Variants in LRP2 observed in about 807,000 individuals in gnomAD.
LRP2 encodes the protein LDL receptor related protein 2, also known as low-density lipoprotein receptor-related protein 2.
A neutral mutation model predicts 531.0 loss-of-function variants in LRP2; 172 were observed. That is an observed-to-expected ratio of 0.32 (90% CI 0.29 to 0.37). LRP2 has a LOEUF of 0.37. Among genes scored for constraint, LRP2 ranks in the 10% least tolerant of loss-of-function variants. The pLI, the probability that LRP2 is intolerant of heterozygous loss-of-function variation, is 1.00. For missense variants in LRP2, 5,167 were observed against 5,868.3 expected (o/e 0.88, Z 3.90); for synonymous variants, 1,992 against 2,027.6 (o/e 0.98, Z 0.47).
chr2:169,280,447 C>T lies in LRP2; in HGVS notation c.1244G>A (p.Arg415Gln), dbSNP rs1574215499. The change falls in exon 11 of 79, where the codon CGG (arginine) becomes CAG (glutamine). Residue 415 changes from arginine (R) to glutamine (Q), a missense_variant. Coordinates refer to ENST00000649046, the MANE Select transcript of LRP2 (RefSeq NM_004525.3). Reference protein sequence around the residue: ...LIGDIHGRSFRILVESQNRGV... With the variant: ...LIGDIHGRSFQILVESQNRGV... ...ACGATTCTGAGACTCCACTAGGATC[C>T]GGAAGCTCCTTCCATGAATATCACC... 10 of 1,614,148 alleles carry T rather than the reference C, an allele frequency of 6.2e-6. No homozygotes were observed. The highest frequency in any genetic ancestry group is 4.5e-5 in the East Asian group (2 of 44,868).
intron 16 of LRP2, among the ~76,000 whole-genome samples, chr2:169,267,820 G>C (rs1446524340): frequency 1.3e-5 from 2 of 152,014 alleles, no homozygotes; most frequent in Non-Finnish European, 2.9e-5. Context: ...TCCAGGAGCT[G>C]GTTTTTTGAA....
In LRP2 at chr2:169,279,490, G is replaced by A; in HGVS notation, c.1447C>T (p.Leu483=). 6.2e-7 allele frequency: 1 copy of A among 1,613,684 alleles called. No individual in the cohort carries two copies. Among genetic ancestry groups the A allele is most frequent in the Non-Finnish European group, 8.5e-7 (1 of 1,179,670 alleles). Residue 483 remains leucine (L), a synonymous_variant, in exon 12 of 79, where the codon CTA becomes TTA. Coordinates refer to ENST00000649046, the MANE Select transcript of LRP2 (RefSeq NM_004525.3). ...AVDWVNNKIY[L]VETKVNRIDM... ...ATGCGGTTGACCTTGGTTTCCACTA[G>A]ATAGATTTTATTATTAACCCAGTCC...
At chr2:169,166,149 C>G in intron 61 of LRP2, 95 bp from the exon 62 acceptor site, 1 of 1,254,926 alleles carries the variant, frequency 8.0e-7, no homozygotes, top group Non-Finnish European at 1.2e-6. Context: ...AGGCTTGCTT[C>G]ATTCATGCAC....
chr2:169,243,135 T>G, intron 23 of LRP2, 63 bp from the exon 24 acceptor site: 1 of 1,354,690 alleles, frequency 7.4e-7, no homozygotes, highest in Non-Finnish European at 1.1e-6. Context: ...AACACTGAGA[T>G]TTTTCTTTTT....
intron 4 of LRP2, among the ~76,000 whole-genome samples, chr2:169,300,900 T>C (rs945559857): frequency 6.6e-6 from 1 of 152,092 alleles, no homozygotes; most frequent in East Asian, 1.9e-4. Flanking sequence ...AAAATGACTT[T>C]AACCATCTTT....
chr2:169,183,688 G>A (rs1687522075), intron 50 of LRP2, among the ~76,000 whole-genome samples: 1 of 152,126 alleles, frequency 6.6e-6, no homozygotes, highest in Non-Finnish European at 1.5e-5. Context: ...AAGAAAACAT[G>A]GAGAAGATAT....
intron 4 of LRP2, among the ~76,000 whole-genome samples, chr2:169,298,136 T>A (rs1417762076): frequency 6.6e-6 from 1 of 152,004 alleles, no homozygotes; most frequent in East Asian, 1.9e-4. Flanking sequence ...CCAGAAAGAA[T>A]CTACCAGTTT....
At chr2:169,260,503 G>T (rs1178756202) in intron 16 of LRP2, among the ~76,000 whole-genome samples, 1 of 152,130 alleles carries the variant, frequency 6.6e-6, no homozygotes, top group Non-Finnish European at 1.5e-5. Context: ...CCTGTGAGAA[G>T]TTGGATGAAG....
At chr2:169,333,015 A>G (rs941481220) in intron 1 of LRP2, among the ~76,000 whole-genome samples, 3 of 152,218 alleles carry the variant, frequency 2.0e-5, no homozygotes, top group African/African-American at 7.2e-5. Flanking sequence ...TTCTTAAACT[A>G]TTAAGAAATA....
intron 61 of LRP2, among the ~76,000 whole-genome samples, chr2:169,167,445 A>C (rs1337591129): frequency 1.3e-5 from 2 of 152,152 alleles, no homozygotes; most frequent in Non-Finnish European, 2.9e-5. Context: ...CTCCTAGGTT[A>C]AGGGCTTTTA....
chr2:169,345,174 A>T (rs993743018), intron 1 of LRP2, among the ~76,000 whole-genome samples: 1 of 152,208 alleles, frequency 6.6e-6, no homozygotes, highest in African/African-American at 2.4e-5. Context: ...AAATCGTTAA[A>T]TAAAAAATAA....
intron 9 of LRP2, among the ~76,000 whole-genome samples, chr2:169,287,461 AT>A (rs1412470164): frequency 2.0e-5 from 3 of 152,246 alleles, no homozygotes; most frequent in African/African-American, 7.2e-5. Context: ...GCTCAAATGG[AT>A]TGCTTTACTG....
At position 169,314,241 on chromosome 2, in the gene LRP2, A is replaced by T. The variant is rs551591796; in HGVS notation, c.310+4521T>A. The stretch of plus-strand genomic sequence containing the variant: ...GTGAGATCCTTATATCTTAAAAGAA[A>T]AAAAAAATAAATTTAGCTGGGCACA... On this transcript the variant is annotated intron_variant, in intron 3 of 78. Transcript: ENST00000649046. 2.8e-3 allele frequency among the ~76,000 whole-genome samples: 396 copies of T among 139,252 alleles called. 1 individual carries two copies. Among genetic ancestry groups the T allele is most frequent in the African/African-American group, 0.012 (386 of 33,470 alleles). The allele number at this position is 139,252 out of a possible 152,430, so 91.4% of individuals were successfully genotyped here.
chr2:169,272,664 G>A (rs527714099), intron 15 of LRP2, among the ~76,000 whole-genome samples: 1 of 152,222 alleles, frequency 6.6e-6, no homozygotes, highest in East Asian at 1.9e-4. Flanking sequence ...AACAAAGGGG[G>A]AAGGGAACCC....
chr2:169,138,442 C>T, intron 75 of LRP2, 135 bp downstream of exon 75: 1 of 926,118 alleles, frequency 1.1e-6, no homozygotes, highest in Non-Finnish European at 1.6e-6. Flanking sequence ...TGTTTCCTAA[C>T]TTGTGTAGTG....
Position 169,209,591 on chromosome 2 carries a change from A to G in LRP2, c.6331T>C (p.Trp2111Arg). The stretch of plus-strand genomic sequence containing the variant: ...GCCACTGAGCTGCTAAAATCACACC[A>G]ATAAATAAAGCCAGAGGACACATCC... ...DVDVSSGFIY[W>R]CDFSSSVASD... Residue 2111 changes from tryptophan (W) to arginine (R), a missense_variant, in exon 38 of 79, where the codon TGG becomes CGG. Physicochemically the swap from Trp to Arg is moderately radical, Grantham distance 101. Transcript: ENST00000649046. 1 of 1,614,112 alleles carries G rather than the reference A, an allele frequency of 6.2e-7. No homozygotes were observed.
At chr2:169,169,164 A>G (rs952851718) in intron 60 of LRP2, among the ~76,000 whole-genome samples, 2 of 152,238 alleles carry the variant, frequency 1.3e-5, no homozygotes, top group Admixed American at 6.5e-5. Context: ...TACTGTGTCT[A>G]TGTAGAAAAG....
At chr2:169,247,055 G>A (rs1690037455) in intron 20 of LRP2, 69 bp from the exon 21 acceptor site, 1 of 1,558,932 alleles carries the variant, frequency 6.4e-7, no homozygotes, top group Non-Finnish European at 8.8e-7. Flanking sequence ...GGTTTGATTT[G>A]TGAAGGAAAA....
At chr2:169,277,637 A>T in intron 13 of LRP2, 108 bp downstream of exon 13, 1 of 1,006,708 alleles carries the variant, frequency 9.9e-7, no homozygotes, top group Non-Finnish European at 1.5e-6. Context: ...TATCATGTCC[A>T]CCAACAAAGC....
Sources: gnomAD v4.1 joint callset for allele counts (sites outside exome capture counted in the v4.1 genomes callset) on GRCh38, gnomAD v4.1.1 for gene constraint, MANE v1.5 for transcripts, NCBI Gene and HGNC (gene_info 2026-07-23, HGNC 2026-07-21) for gene names.